SPEG: variants seen among roughly 807,000 people sequenced by gnomAD.
SPEG encodes striated muscle preferentially expressed protein kinase.
In SPEG, 114 loss-of-function variants were observed where a neutral mutation model predicts 300.4. That is an observed-to-expected ratio of 0.38 (90% CI 0.33 to 0.44). The LOEUF (loss-of-function observed/expected upper bound fraction) is 0.44, where lower values mean the gene tolerates loss of function less well. SPEG is among the 20% of genes least tolerant of loss of function. The pLI, the probability that SPEG is intolerant of heterozygous loss-of-function variation, is 1.00. For missense variants in SPEG, 4,201 were observed against 4,586.2 expected, an observed-to-expected ratio of 0.92 and a Z score of 2.43; for synonymous variants, 1,964 against 2,018.9, an observed-to-expected ratio of 0.97 and a Z score of 0.73.
At position 219,442,395 on chromosome 2, in the gene SPEG, A is replaced by G. The variant is rs964857483; in HGVS notation, c.389-2258A>G. ...GAGCGCCCACTTGCTTCTTTGCCAC[A>G]TCTTCTCTCTCCTCTGTCCAACCTC... On this transcript the variant is annotated intron_variant, in intron 1 of 40. Transcript: ENST00000312358. Among the ~76,000 whole-genome samples, 43 of 149,418 alleles carry G rather than the reference A, an allele frequency of 2.9e-4. 1 individual carries two copies. The highest frequency in any genetic ancestry group is 4.5e-5 in the Non-Finnish European group (3 of 67,350).
chr2:219,463,312 G>A (rs1690910682), intron 8 of SPEG, among the ~76,000 whole-genome samples: 1 of 150,168 alleles, frequency 6.7e-6, no homozygotes, highest in South Asian at 2.1e-4. Flanking sequence ...GTGCCTGGAA[G>A]ATGGATTACT....
chr2:219,485,461 C>T lies in SPEG; in HGVS notation c.7725C>T (p.Tyr2575=), dbSNP rs571175061. 16 of 1,593,520 alleles carry T rather than the reference C, an allele frequency of 1.0e-5. No individual in the cohort carries two copies. Among genetic ancestry groups the T allele is most frequent in the South Asian group, 4.5e-5 (4 of 89,154 alleles). Residue 2575 remains tyrosine (Y), a synonymous_variant, in exon 31 of 41, where the codon TAC becomes TAT. Coordinates refer to ENST00000312358, the MANE Select transcript of SPEG (RefSeq NM_005876.5). ...TCCAGGAGGAGTTGGGTCACCAGTA[C>T]GTGCGCAGTGAGTCAGGTAATAAGA... ...ASVQEELGHQ[Y]VRSESDFPPV... is the part of the protein sequence containing the mutation.
chr2:219,454,027 C>A (rs1238497519), intron 6 of SPEG, among the ~76,000 whole-genome samples: 1 of 152,136 alleles, frequency 6.6e-6, no homozygotes, highest in Non-Finnish European at 1.5e-5. Flanking sequence ...TGGGAAGAGG[C>A]CTGCGTGCAG....
rs528838673 is a variant in SPEG at position 219,458,938 on chromosome 2, G to A, written c.2441-2944G>A. Reference sequence around the variant, plus strand: ...AGCCCTGAAGCAAAGGGCTGTGTGCGACACCTTTTATGTACTAGATAATTC... The same window carrying A: ...AGCCCTGAAGCAAAGGGCTGTGTGCAACACCTTTTATGTACTAGATAATTC... On this transcript the variant is annotated intron_variant, in intron 6 of 40. Coordinates refer to ENST00000312358, the MANE Select transcript of SPEG (RefSeq NM_005876.5). This position sits in a 1 kb window ranked among gnomAD's most constrained non-coding sequence, Gnocchi z 4.2. Among the ~76,000 whole-genome samples, 13 of 152,308 alleles carry A rather than the reference G, an allele frequency of 8.5e-5. No individual in the cohort carries two copies. Among genetic ancestry groups the A allele is most frequent in the African/African-American group, 2.9e-4 (12 of 41,556 alleles).
chr2:219,459,976 T>G lies in SPEG; in HGVS notation c.2441-1906T>G, dbSNP rs1690514503. Among the ~76,000 whole-genome samples, 1 of 152,242 alleles carries G rather than the reference T, an allele frequency of 6.6e-6. No individual in the cohort carries two copies. The highest frequency in any genetic ancestry group is 6.5e-5 in the Admixed American group (1 of 15,284). On this transcript the variant is annotated intron_variant, in intron 6 of 40. Transcript: ENST00000312358. The surrounding 1 kb of genome is among the most constrained non-coding windows in gnomAD (Gnocchi z 4.9). ...AAGAGGGAGAAGGACATGTGACCCCTGCTCAACAGCCCCCTTCTCTCAGGT... is the reference window on the plus strand; with the variant it reads ...AAGAGGGAGAAGGACATGTGACCCCGGCTCAACAGCCCCCTTCTCTCAGGT...
In SPEG at chr2:219,490,557, T is replaced by G. The variant is rs372206095; in HGVS notation, c.9070T>G (p.Ser3024Ala). 4 of 1,613,766 alleles carry G rather than the reference T, an allele frequency of 2.5e-6. No individual in the cohort carries two copies. In the Admixed American group the frequency reaches 5.0e-5, roughly 20 times the overall value. ...GACCCTGCACCACGAGCGGATCATG[T>G]CCCTGCACGAGGCCTACATCACCCC... ...LRTLHHERIM[S>A]LHEAYITPRY... is the part of the protein sequence containing the mutation. The change falls in exon 37 of 41, where the codon TCC (serine) becomes GCC (alanine). Residue 3024 changes from serine (S) to alanine (A), a missense_variant. Ser to Ala is a moderately conservative substitution (Grantham distance 99, BLOSUM62 1). This residue lies in a region of SPEG where 318 missense variants were observed against 429.5 expected (regional missense o/e 0.74). Coordinates refer to ENST00000312358, the MANE Select transcript of SPEG (RefSeq NM_005876.5).
chr2:219,466,804 G>A, intron 9 of SPEG: 1 of 1,031,214 alleles, frequency 9.7e-7, no homozygotes, highest in Non-Finnish European at 1.2e-6. Flanking sequence ...ACTGTAGTGA[G>A]CGTGGAGAAA....
chr2:219,492,178 C>A lies in SPEG; in HGVS notation c.9529C>A (p.Arg3177Ser). ...QETEARIVGG[R>S]FDAFQLYPNT... ...AACGGAGGCTCGGATTGTGGGGGGC[C>A]GCTTTGATGCCTTCCAGCTGTACCC... The change falls in exon 40 of 41, where the codon CGC (arginine) becomes AGC (serine). Residue 3177 changes from arginine to serine, a missense_variant. This residue lies in a region of SPEG where 318 missense variants were observed against 429.5 expected (regional missense o/e 0.74). Transcript: ENST00000312358. 1.2e-6 allele frequency: 2 copies of A among 1,613,726 alleles called. No individual in the cohort carries two copies. Among genetic ancestry groups the A allele is most frequent in the Non-Finnish European group, 1.7e-6 (2 of 1,179,906 alleles).
In SPEG at chr2:219,444,589, C is replaced by A; in HGVS notation, c.389-64C>A. 1 of 1,392,824 alleles carries A rather than the reference C, an allele frequency of 7.2e-7. No homozygotes were observed. Among genetic ancestry groups the A allele is most frequent in the South Asian group, 1.2e-5 (1 of 85,386 alleles). The allele number at this position is 1,392,824 out of a possible 1,614,324, so 86.3% of individuals were successfully genotyped here. On this transcript the variant is annotated intron_variant, in intron 1 of 40. Transcript: ENST00000312358. This position sits in a 1 kb window ranked among gnomAD's most constrained non-coding sequence, Gnocchi z 7.8. ...CTGCTGTTGGCAGGGAGGCAGAAGG[C>A]AATAGGGAAGAGTTGGAGGCAGAGG...
Position 219,460,857 on chromosome 2 carries a change from T to G in SPEG, c.2441-1025T>G, listed in dbSNP as rs766014424. On this transcript the variant is annotated intron_variant, in intron 6 of 40. Coordinates refer to ENST00000312358, the MANE Select transcript of SPEG (RefSeq NM_005876.5). ...GCTGGGTCAGCCGAGTGAGTGGGGC[T>G]GGGCAGGCTGGACAGGCTGGGCTCC... 412 of 986,218 alleles carry G rather than the reference T, an allele frequency of 4.2e-4. 1 individual carries two copies. Among genetic ancestry groups the G allele is most frequent in the Non-Finnish European group, 4.7e-4 (387 of 830,594 alleles). 61.1% of individuals were successfully genotyped at this position (986,218 alleles called of 1,614,324 possible).
In SPEG at chr2:219,477,916, C is replaced by G. The variant is rs1382392544; in HGVS notation, c.4838C>G (p.Ser1613Cys). The stretch of plus-strand genomic sequence containing the variant: ...CCTGTGTCAACCAGGGGTGCTTTCT[C>G]CTACTTGCGGCGCATAGTGGAGCGT... ...IHQEIGRGAF[S>C]YLRRIVERSS... is the part of the protein sequence containing the mutation. Residue 1613 changes from serine (S) to cysteine (C), a missense_variant, in exon 22 of 41, where the codon TCC becomes TGC. Transcript: ENST00000312358. This position sits in a 1 kb window ranked among gnomAD's most constrained non-coding sequence, Gnocchi z 6.4. 1 of 1,614,054 alleles carries G rather than the reference C, an allele frequency of 6.2e-7. No homozygotes were observed. Among genetic ancestry groups the G allele is most frequent in the Admixed American group, 1.7e-5 (1 of 60,010 alleles).
intron 9 of SPEG, chr2:219,466,355 C>G (rs1691359292): frequency 1.4e-6 from 2 of 1,397,374 alleles, no homozygotes; most frequent in Non-Finnish European, 1.9e-6. Flanking sequence ...CCCCCCGAGT[C>G]TCTCCCTGAA....
chr2:219,491,606 C>G (rs1693978982), intron 38 of SPEG, among the ~76,000 whole-genome samples, 188 bp from the exon 39 acceptor site: 2 of 152,176 alleles, frequency 1.3e-5, no homozygotes, highest in South Asian at 4.1e-4. Flanking sequence ...CTCAGGTGAC[C>G]CATATGTCTC....
At position 219,443,852 on chromosome 2, in the gene SPEG, G is replaced by T; in HGVS notation, c.389-801G>T. On this transcript the variant is annotated intron_variant, in intron 1 of 40. Coordinates refer to ENST00000312358, the MANE Select transcript of SPEG (RefSeq NM_005876.5). This position sits in a 1 kb window ranked among gnomAD's most constrained non-coding sequence, Gnocchi z 4.6. The stretch of plus-strand genomic sequence containing the variant: ...CTGGAATAACAAGCCCAAGTATGGG[G>T]GTCCCCAGTGCTGGGCACATCCCAG... The T allele has an allele frequency of 2.3e-6, 1 of 427,964 alleles. No individual in the cohort carries two copies. Among genetic ancestry groups the T allele is most frequent in the Non-Finnish European group, 4.5e-6 (1 of 220,992 alleles). 26.5% of individuals were successfully genotyped at this position (427,964 alleles called of 1,614,324 possible).
intron 7 of SPEG, 52 bp downstream of exon 7, chr2:219,462,109 G>A: frequency 6.9e-7 from 1 of 1,446,000 alleles, no homozygotes; most frequent in Non-Finnish European, 9.4e-7. Flanking sequence ...CGTTCCTTTG[G>A]GTGCCCCCTT....
rs763482593 is a variant in SPEG at position 219,484,642 on chromosome 2, G to T, written c.7179G>T (p.Ser2393=). ...ELVRRPERSR[S]VQDLRAVGEP... Reference sequence around the variant, plus strand: ...TGCGACGGCCTGAGCGCTCACGCTCGGTGCAGGACCTCAGGGCTGTCGGAG... The same window carrying T: ...TGCGACGGCCTGAGCGCTCACGCTCTGTGCAGGACCTCAGGGCTGTCGGAG... The change falls in exon 30 of 41, where the codon TCG becomes TCT. Residue 2393 remains serine, a synonymous_variant. Coordinates refer to ENST00000312358, the MANE Select transcript of SPEG (RefSeq NM_005876.5). The T allele has an allele frequency of 3.8e-5, 59 of 1,537,230 alleles. No individual in the cohort carries two copies. The highest frequency in any genetic ancestry group is 4.4e-5 in the Non-Finnish European group (50 of 1,146,524).
Position 219,464,636 on chromosome 2 carries a change from C to G in SPEG, c.2881+28C>G. 1 of 1,605,596 alleles carries G rather than the reference C, an allele frequency of 6.2e-7. No individual in the cohort carries two copies. Among genetic ancestry groups the G allele is most frequent in the Non-Finnish European group, 8.5e-7 (1 of 1,173,118 alleles). ...GAGTACCTGATTTCTCCATGAATGC[C>G]CACCTGGCCCTGGCCCCTTCCTTCC... On this transcript the variant is annotated intron_variant, in intron 9 of 40. Coordinates refer to ENST00000312358, the MANE Select transcript of SPEG (RefSeq NM_005876.5). The surrounding 1 kb of genome is among the most constrained non-coding windows in gnomAD (Gnocchi z 4.5).
chr2:219,489,700 G>T lies in SPEG; in HGVS notation c.8682G>T (p.Val2894=). The change falls in exon 36 of 41, where the codon GTG becomes GTT. Residue 2894 remains valine, a synonymous_variant. Coordinates refer to ENST00000312358, the MANE Select transcript of SPEG (RefSeq NM_005876.5). ...CCACTCCTCAAGGGGTTAAACCAGT[G>T]TCTTCCTCTACTCCTGTGTATGTGG... is the stretch of plus-strand genomic sequence containing the variant. ...PASTPQGVKP[V]SSSTPVYVVT... 1 of 1,614,128 alleles carries T rather than the reference G, an allele frequency of 6.2e-7. No individual in the cohort carries two copies. Among genetic ancestry groups the T allele is most frequent in the Non-Finnish European group, 8.5e-7 (1 of 1,180,008 alleles).
At position 219,481,481 on chromosome 2, in the gene SPEG, C is replaced by T. The variant is rs1440839892; in HGVS notation, c.5522+25C>T. ...TGTGAGTACAAGGCCCTGGGAGCCC[C>T]CACCTGCAGGGTCACCCTCATACCA... On this transcript the variant is annotated intron_variant, in intron 27 of 40. Coordinates refer to ENST00000312358, the MANE Select transcript of SPEG (RefSeq NM_005876.5). This position sits in a 1 kb window ranked among gnomAD's most constrained non-coding sequence, Gnocchi z 5.4. The T allele has an allele frequency of 1.2e-6, 2 of 1,612,610 alleles. No individual in the cohort carries two copies. Among genetic ancestry groups the T allele is most frequent in the Non-Finnish European group, 1.7e-6 (2 of 1,179,062 alleles).
Sources: allele counts gnomAD v4.1 joint callset (sites outside exome capture counted in the v4.1 genomes callset), GRCh38; gene constraint gnomAD v4.1.1; regional missense constraint gnomAD v4.1.1; non-coding constraint Gnocchi (gnomAD v3.1); transcripts MANE v1.5; gene names NCBI Gene and HGNC (gene_info 2026-07-23, HGNC 2026-07-21).